Variants in ZBTB20 observed in about 807,000 individuals in gnomAD.
ZBTB20 encodes the protein zinc finger and BTB domain-containing protein 20.
A neutral mutation model predicts 56.9 loss-of-function variants in ZBTB20; 9 were observed. The ratio of observed to expected loss-of-function variants is 0.16; its 90% CI spans 0.10 to 0.28. The LOEUF (loss-of-function observed/expected upper bound fraction) is 0.28, where lower values mean the gene tolerates loss of function less well. ZBTB20 is among the 10% of genes least tolerant of loss of function. ZBTB20 has a pLI of 1.00. For missense variants in ZBTB20, 655 were observed against 1,003.0 expected (o/e 0.65, Z 4.69); for synonymous variants, 417 against 420.7 (o/e 0.99, Z 0.11).
intron 2 of ZBTB20, among the ~76,000 whole-genome samples, chr3:114,977,094 G>A (rs1290945437): frequency 6.6e-6 from 1 of 152,060 alleles, no homozygotes; most frequent in African/African-American, 2.4e-5. Context: ...GAAAGAATCA[G>A]AAGAAAATTA....
At chr3:114,793,176 G>A (rs764630715) in intron 5 of ZBTB20, among the ~76,000 whole-genome samples, 1 of 151,930 alleles carries the variant, frequency 6.6e-6, no homozygotes, top group Non-Finnish European at 1.5e-5. Flanking sequence ...CACCGTGCCT[G>A]GCCCCAAAGT....
chr3:115,073,454 T>C (rs1028077760), intron 1 of ZBTB20, among the ~76,000 whole-genome samples: 3 of 152,158 alleles, frequency 2.0e-5, no homozygotes, highest in Non-Finnish European at 4.4e-5. Context: ...ATCCACTTGC[T>C]CAGAAGCTCT....
chr3:114,608,541 T>A (rs1174639619), intron 6 of ZBTB20, among the ~76,000 whole-genome samples: 1 of 152,208 alleles, frequency 6.6e-6, no homozygotes, highest in Non-Finnish European at 1.5e-5. Context: ...TAATGAATCA[T>A]CCCATTTTAA....
chr3:114,647,806 G>C (rs1431906954), intron 6 of ZBTB20, among the ~76,000 whole-genome samples: 1 of 152,112 alleles, frequency 6.6e-6, no homozygotes, highest in Non-Finnish European at 1.5e-5. Context: ...ATGTAATCCT[G>C]AGGGCACTCA....
At chr3:114,820,994 C>T (rs2073209097) in intron 4 of ZBTB20, among the ~76,000 whole-genome samples, 2 of 152,202 alleles carry the variant, frequency 1.3e-5, no homozygotes, top group South Asian at 2.1e-4. Context: ...AAGGAAAACA[C>T]CCCCAAGTAA....
intron 4 of ZBTB20, among the ~76,000 whole-genome samples, chr3:114,866,001 G>A (rs1012597752): frequency 6.6e-6 from 1 of 152,192 alleles, no homozygotes; most frequent in African/African-American, 2.4e-5. Context: ...TTCTACTTCT[G>A]TGTTAAGATT....
At chr3:114,448,083 A>C (rs2091376749) in intron 7 of ZBTB20, among the ~76,000 whole-genome samples, 1 of 152,132 alleles carries the variant, frequency 6.6e-6, no homozygotes, top group Admixed American at 6.5e-5. Context: ...CTAGGTAAGA[A>C]GGGAAAAGAA....
intron 11 of ZBTB20, among the ~76,000 whole-genome samples, chr3:114,348,032 A>G (rs149043345): frequency 6.6e-6 from 1 of 152,330 alleles, no homozygotes; most frequent in Non-Finnish European, 1.5e-5. Context: ...TAACCACAGA[A>G]TCCTTCAGTG....
chr3:114,449,749 C>T (rs532056203), intron 7 of ZBTB20, among the ~76,000 whole-genome samples: 1 of 151,282 alleles, frequency 6.6e-6, no homozygotes, highest in East Asian at 1.9e-4. Flanking sequence ...TTATTACAGG[C>T]CCACCTAGAT....
In ZBTB20 at chr3:114,330,706, T is replaced by C. The variant is rs570472995; in HGVS notation, c.*8299A>G. 1.3e-5 allele frequency: 2 copies of C among 152,162 alleles called. No individual in the cohort carries two copies. Among genetic ancestry groups the C allele is most frequent in the South Asian group, 2.1e-4 (1 of 4,816 alleles). The allele number at this position is 152,162 out of a possible 1,614,324, so 9.4% of individuals were successfully genotyped here. Reference sequence around the variant, plus strand: ...AGGGGAAGGGGAAAAGTCACCAGAATAGAAGAGGAAAGAAAATGTCCTCTG... The same window carrying C: ...AGGGGAAGGGGAAAAGTCACCAGAACAGAAGAGGAAAGAAAATGTCCTCTG... On this transcript the variant is annotated 3_prime_UTR_variant, in exon 12 of 12. Transcript: ENST00000675478.
At chr3:114,748,330 C>CT (rs2067251943) in intron 5 of ZBTB20, among the ~76,000 whole-genome samples, 5 of 84,226 alleles carry the variant, frequency 5.9e-5, no homozygotes, top group East Asian at 7.5e-4. Flanking sequence ...TTCTTTCTTT[C>CT]TTTCTTCTTT....
intron 2 of ZBTB20, among the ~76,000 whole-genome samples, chr3:115,007,916 A>C (rs73857885): frequency 0.017 from 2,518 of 151,900 alleles, 72 homozygotes; most frequent in African/African-American, 0.057. Context: ...CACTGGCTTC[A>C]TACTTTTTGG....
At chr3:114,734,744 A>G (rs548340559) in intron 5 of ZBTB20, among the ~76,000 whole-genome samples, 1 of 152,180 alleles carries the variant, frequency 6.6e-6, no homozygotes, top group Non-Finnish European at 1.5e-5. Flanking sequence ...GATTAATAAA[A>G]GTAAGATAAT....
At chr3:114,995,072 T>C (rs532453183) in intron 2 of ZBTB20, among the ~76,000 whole-genome samples, 2 of 151,996 alleles carry the variant, frequency 1.3e-5, no homozygotes, top group East Asian at 3.9e-4. Context: ...TGTGTGCGCA[T>C]GTGCTGCATG....
chr3:114,818,109 C>T (rs2073045774), intron 4 of ZBTB20, among the ~76,000 whole-genome samples: 1 of 152,104 alleles, frequency 6.6e-6, no homozygotes, highest in South Asian at 2.1e-4. Context: ...ATTTCCTAAT[C>T]TTACAGAATA....
At chr3:114,467,192 G>T (rs2092589949) in intron 7 of ZBTB20, among the ~76,000 whole-genome samples, 1 of 152,158 alleles carries the variant, frequency 6.6e-6, no homozygotes, top group Non-Finnish European at 1.5e-5. Context: ...AATGTCCATT[G>T]AGCAGCAGGA....
chr3:114,749,007 G>T (rs1205931187), intron 5 of ZBTB20, among the ~76,000 whole-genome samples: 1 of 152,164 alleles, frequency 6.6e-6, no homozygotes, highest in East Asian at 1.9e-4. Context: ...TTTTAGTTTT[G>T]GAGGAAAAGG....
chr3:115,024,355 G>T (rs1192237429), intron 2 of ZBTB20, among the ~76,000 whole-genome samples: 1 of 150,900 alleles, frequency 6.6e-6, no homozygotes, highest in Non-Finnish European at 1.5e-5. Context: ...AAACATAACT[G>T]CAATATAAAT....
At chr3:114,407,708 T>G (rs895783412) in intron 7 of ZBTB20, among the ~76,000 whole-genome samples, 4 of 152,206 alleles carry the variant, frequency 2.6e-5, no homozygotes. Context: ...ACATTAATTT[T>G]CAGTGTTCAG....
Sources: allele counts gnomAD v4.1 joint callset (sites outside exome capture counted in the v4.1 genomes callset), GRCh38; gene constraint gnomAD v4.1.1; transcripts MANE v1.5; gene names NCBI Gene and HGNC (gene_info 2026-07-23, HGNC 2026-07-21).